LMBRD2: variants seen among roughly 807,000 people sequenced by gnomAD.
LMBRD2 encodes G protein-coupled receptor-associated protein LMBRD2.
A neutral mutation model predicts 94.4 loss-of-function variants in LMBRD2; 55 were observed. The observed-to-expected ratio is 0.58, with a 90% confidence interval of 0.47 to 0.73. LMBRD2 has a LOEUF of 0.73. Among genes scored for constraint, LMBRD2 ranks in the 30% least tolerant of loss-of-function variants. The probability of loss-of-function intolerance (pLI) is 0.00; values close to 1 mark genes in which losing one functional copy is unlikely to be tolerated. For missense variants in LMBRD2, 640 were observed against 831.9 expected (o/e 0.77, Z 2.84); for synonymous variants, 246 against 272.4 (o/e 0.90, Z 0.95).
chr5:36,115,715 T>TACACACAC (rs142065535), intron 11 of LMBRD2, among the ~76,000 whole-genome samples: 7,457 of 149,958 alleles, frequency 0.05, 638 homozygotes, highest in African/African-American at 0.17. Context: ...TACAGGAATC[T>TACACACAC]ACACACACAC....
chr5:36,107,790 G>C (rs1369785384), intron 16 of LMBRD2, among the ~76,000 whole-genome samples: 1 of 152,106 alleles, frequency 6.6e-6, no homozygotes, highest in Non-Finnish European at 1.5e-5. Context: ...ACTATGGCTT[G>C]GTGCTCAGTG....
chr5:36,105,164 G>T lies in LMBRD2; in HGVS notation c.1931C>A (p.Thr644Asn), dbSNP rs201200461. 298 of 1,612,666 alleles carry T rather than the reference G, an allele frequency of 1.8e-4. No individual in the cohort carries two copies. Among genetic ancestry groups the T allele is most frequent in the Middle Eastern group, 6.6e-4 (4 of 6,050 alleles). ...GAGAAGTTCTATCCGGTCCCTTTCA[G>T]TCCTGTTATTAGCCCTGGTATATTT... ...AFKYTRANNR[T>N]ERDRIELLQD... The change falls in exon 17 of 18, where the codon ACT becomes AAT. Residue 644 changes from threonine to asparagine, a missense_variant. By Grantham distance (65) the Thr-to-Asn change is moderately conservative (BLOSUM62 0). Transcript: ENST00000296603.
At chr5:36,105,638 T>C (rs1743448389) in intron 16 of LMBRD2, among the ~76,000 whole-genome samples, 1 of 152,218 alleles carries the variant, frequency 6.6e-6, no homozygotes, top group Non-Finnish European at 1.5e-5. Context: ...AGAGTATGGG[T>C]AGCACTAGCC....
chr5:36,106,062 G>A (rs1446778897), intron 16 of LMBRD2, among the ~76,000 whole-genome samples: 4 of 151,604 alleles, frequency 2.6e-5, no homozygotes, highest in Non-Finnish European at 4.4e-5. Context: ...TCAGCAAATC[G>A]CAATTGCCCA....
chr5:36,114,938 A>G, intron 12 of LMBRD2, 77 bp downstream of exon 12: 1 of 947,664 alleles, frequency 1.1e-6, no homozygotes, highest in East Asian at 2.5e-5. Flanking sequence ...TTCTGCTGGC[A>G]TTAAAAGAAA....
intron 6 of LMBRD2, among the ~76,000 whole-genome samples, chr5:36,132,089 C>T (rs141324008): frequency 6.6e-6 from 1 of 152,062 alleles, no homozygotes; most frequent in East Asian, 1.9e-4. Context: ...ATAAACAAAA[C>T]AGCATGGTGT....
In LMBRD2 at chr5:36,099,152, C is replaced by T. The variant is rs1743298404; in HGVS notation, c.*4894G>A. 6.6e-6 allele frequency: 1 copy of T among 152,004 alleles called. No individual in the cohort carries two copies. The allele number at this position is 152,004 out of a possible 1,614,324, so 9.4% of individuals were successfully genotyped here. On this transcript the variant is annotated 3_prime_UTR_variant, in exon 18 of 18. Transcript: ENST00000296603. ...AGTATTTCAAGCTCACACTGGACTACTGAACTTTAGAATACTGTCCTAAGG... is the reference window on the plus strand; with the variant it reads ...AGTATTTCAAGCTCACACTGGACTATTGAACTTTAGAATACTGTCCTAAGG...
chr5:36,126,206 TCTTGA>T (rs532699801), intron 6 of LMBRD2, among the ~76,000 whole-genome samples: 319 of 152,332 alleles, frequency 2.1e-3, no homozygotes, highest in Non-Finnish European at 3.4e-3. Flanking sequence ...CCTTAAAGTT[TCTTGA>T]CTTGTTAGCA....
At chr5:36,133,638 A>G (rs976608757) in intron 6 of LMBRD2, among the ~76,000 whole-genome samples, 3 of 152,146 alleles carry the variant, frequency 2.0e-5, no homozygotes, top group African/African-American at 7.2e-5. Flanking sequence ...AGAGGTTCAG[A>G]GTTCTCCTGC....
chr5:36,130,349 A>G (rs1231656540), intron 6 of LMBRD2, among the ~76,000 whole-genome samples: 1 of 152,180 alleles, frequency 6.6e-6, no homozygotes, highest in Admixed American at 6.5e-5. Context: ...ATCAATGTCA[A>G]GTTGTCATCA....
chr5:36,139,574 A>G (rs1319833942), intron 4 of LMBRD2, among the ~76,000 whole-genome samples: 1 of 152,184 alleles, frequency 6.6e-6, no homozygotes, highest in Admixed American at 6.5e-5. Flanking sequence ...CTATGGCCCA[A>G]TCAGTGCACA....
At chr5:36,120,348 C>T (rs1292490994) in intron 9 of LMBRD2, among the ~76,000 whole-genome samples, 22 of 152,126 alleles carry the variant, frequency 1.4e-4, no homozygotes, top group Non-Finnish European at 2.6e-4. Context: ...CTGCAACCTC[C>T]GCCTCCTGTT....
intron 16 of LMBRD2, among the ~76,000 whole-genome samples, chr5:36,106,818 C>T (rs988846814): frequency 1.3e-5 from 2 of 152,026 alleles, no homozygotes; most frequent in African/African-American, 4.8e-5. Flanking sequence ...TGGAGAATGA[C>T]AATATCTGTT....
Position 36,136,180 on chromosome 5 carries a change from G to A in LMBRD2, c.747+129C>T. ...GTCATCCTGGATGAGACATCCTGAAGGATTGCACAACACCAGTTTTGCAGT... is the reference window on the plus strand; with the variant it reads ...GTCATCCTGGATGAGACATCCTGAAAGATTGCACAACACCAGTTTTGCAGT... On this transcript the variant is annotated intron_variant, in intron 6 of 17. Transcript: ENST00000296603. 4 of 810,796 alleles carry A rather than the reference G, an allele frequency of 4.9e-6. No individual in the cohort carries two copies. The South Asian group carries it at 6.1e-5, about 12-fold the overall frequency. The allele number at this position is 810,796 out of a possible 1,614,324, so 50.2% of individuals were successfully genotyped here.
chr5:36,110,600 T>G (rs1345628171), intron 14 of LMBRD2, among the ~76,000 whole-genome samples: 1 of 151,976 alleles, frequency 6.6e-6, no homozygotes, highest in Non-Finnish European at 1.5e-5. Context: ...AGCCCCAGAC[T>G]CAAGTAGGGA....
chr5:36,106,555 G>A (rs1338397078), intron 16 of LMBRD2, among the ~76,000 whole-genome samples: 1 of 146,174 alleles, frequency 6.8e-6, no homozygotes, highest in Non-Finnish European at 1.5e-5. Flanking sequence ...TGTTGCCCAG[G>A]CTGGAGTGCA....
Position 36,137,253 on chromosome 5 carries a change from TAAG to T in LMBRD2, c.536+18_536+20del. On this transcript the variant is annotated intron_variant, in intron 5 of 17. Transcript: ENST00000296603. The stretch of plus-strand genomic sequence containing the variant: ...ATGCAAACATACATTAAAGCAATGT[TAAG>T]AAGACTACTTTTCTTACCATTCTAA... 7 of 1,498,648 alleles carry T rather than the reference TAAG, an allele frequency of 4.7e-6. No individual in the cohort carries two copies. The highest frequency in any genetic ancestry group is 1.3e-5 in the South Asian group (1 of 77,998). The allele number at this position is 1,498,648 out of a possible 1,614,324, so 92.8% of individuals were successfully genotyped here.
intron 13 of LMBRD2, among the ~76,000 whole-genome samples, chr5:36,112,655 T>A (rs1462774714): frequency 6.6e-6 from 1 of 152,186 alleles, no homozygotes; most frequent in Non-Finnish European, 1.5e-5. Context: ...AGAAAGACAC[T>A]TTTAATGATT....
At chr5:36,115,185 C>A in intron 11 of LMBRD2, 65 bp from the exon 12 acceptor site, 1 of 905,822 alleles carries the variant, frequency 1.1e-6, no homozygotes, top group South Asian at 1.6e-5. Flanking sequence ...TTATAGTATA[C>A]TGAGATGTAT....
Sources: allele counts gnomAD v4.1 joint callset (sites outside exome capture counted in the v4.1 genomes callset), GRCh38; gene constraint gnomAD v4.1.1; transcripts MANE v1.5; gene names NCBI Gene and HGNC (gene_info 2026-07-23, HGNC 2026-07-21).